The following WWOX variants were observed in gnomAD, a reference collection of about 807,000 sequenced individuals.
The protein encoded by WWOX is WW domain containing oxidoreductase.
WWOX carries 69 observed loss-of-function variants against 46.2 expected under a neutral mutation model. The observed-to-expected ratio is 1.49, with a 90% confidence interval of 1.23 to 1.82. The LOEUF is 1.82. Among genes scored for constraint, WWOX ranks in the 40% most tolerant of loss-of-function variants. The pLI is 0.00. For synonymous variants in WWOX, 359 were observed against 202.6 expected, an observed-to-expected ratio of 1.77 and a Z score of -6.56; for missense variants, 919 against 542.6, an observed-to-expected ratio of 1.69 and a Z score of -6.89.
chr16:78,365,007 T>C (rs1365998246), intron 5 of WWOX, among the ~76,000 whole-genome samples: 3 of 152,246 alleles, frequency 2.0e-5, no homozygotes, highest in African/African-American at 7.2e-5. Flanking sequence ...TTCTGTGTAC[T>C]ATGGGTTGAG....
At chr16:79,110,906 G>A (rs2049404145) in intron 8 of WWOX, 1 of 152,160 alleles carries the variant, frequency 6.6e-6, no homozygotes, top group Non-Finnish European at 1.5e-5. Context: ...ATTGTTTTGA[G>A]AAATGAGATA....
At chr16:78,908,539 C>T (rs544771642) in intron 8 of WWOX, among the ~76,000 whole-genome samples, 5 of 21,870 alleles carry the variant, frequency 2.3e-4, no homozygotes, top group East Asian at 5.4e-3. Flanking sequence ...AACTCTGTCT[C>T]GGAAAAAAAA....
chr16:78,642,205 C>T (rs975620279), intron 8 of WWOX, among the ~76,000 whole-genome samples: 1 of 152,110 alleles, frequency 6.6e-6, no homozygotes, highest in African/African-American at 2.4e-5. Context: ...TGTGAATATC[C>T]ATTCTATAGC....
chr16:79,199,799 C>A (rs947074449), intron 8 of WWOX, among the ~76,000 whole-genome samples: 64 of 152,266 alleles, frequency 4.2e-4, no homozygotes, highest in African/African-American at 1.4e-3. Context: ...TTGTGTTCCT[C>A]GCTGACACCT....
intron 8 of WWOX, among the ~76,000 whole-genome samples, chr16:79,156,469 A>G (rs1597428966): frequency 6.6e-6 from 1 of 152,336 alleles, no homozygotes; most frequent in East Asian, 1.9e-4. Context: ...CAACAATTGC[A>G]GTTTTTAAAG....
At chr16:79,083,587 G>T (rs2048801135) in intron 8 of WWOX, among the ~76,000 whole-genome samples, 1 of 152,160 alleles carries the variant, frequency 6.6e-6, no homozygotes, top group African/African-American at 2.4e-5. Context: ...GCGTATGGCT[G>T]CAACATCCTT....
intron 8 of WWOX, among the ~76,000 whole-genome samples, chr16:78,601,660 GGTA>G (rs1221129888): frequency 1.3e-5 from 2 of 152,096 alleles, no homozygotes; most frequent in African/African-American, 2.4e-5. Context: ...ATAAGAATGT[GGTA>G]GTATATTAAT....
At chr16:78,765,746 G>A (rs2049911605) in intron 8 of WWOX, among the ~76,000 whole-genome samples, 1 of 152,184 alleles carries the variant, frequency 6.6e-6, no homozygotes, top group South Asian at 2.1e-4. Flanking sequence ...GTTGTGCCGA[G>A]GAGGGACTGG....
chr16:78,968,538 A>G (rs931335455), intron 8 of WWOX, among the ~76,000 whole-genome samples: 16 of 152,144 alleles, frequency 1.1e-4, no homozygotes, highest in African/African-American at 3.4e-4. Context: ...CATTATGATG[A>G]CTGTTATAAG....
chr16:79,137,641 A>G (rs532461757), intron 8 of WWOX, among the ~76,000 whole-genome samples: 13 of 152,208 alleles, frequency 8.5e-5, no homozygotes, highest in Middle Eastern at 6.8e-3. Flanking sequence ...AAAAGTGTCA[A>G]TGTGTTGGGA....
At chr16:79,118,271 AGGTTGCTG>A (rs1239782037) in intron 8 of WWOX, among the ~76,000 whole-genome samples, 1 of 152,216 alleles carries the variant, frequency 6.6e-6, no homozygotes, top group Non-Finnish European at 1.5e-5. Flanking sequence ...GGAGAACAGC[AGGTTGCTG>A]GAGCCAGTGT....
At position 78,282,598 on chromosome 16, in the gene WWOX, C is replaced by T. The variant is rs73572468; in HGVS notation, c.517-104262C>T. Among the ~76,000 whole-genome samples, 811 of 152,052 alleles carry T rather than the reference C, an allele frequency of 5.3e-3. 9 individuals carry two copies. Among genetic ancestry groups the T allele is most frequent in the African/African-American group, 0.018 (748 of 41,474 alleles). On this transcript the variant is annotated intron_variant, in intron 5 of 8. Transcript: ENST00000566780. Reference sequence around the variant, plus strand: ...TGGCTTAGAACAGGGAAAATGTGGCCGGGCGCAGTGGCTCACGCCTGTAAT... The same window carrying T: ...TGGCTTAGAACAGGGAAAATGTGGCTGGGCGCAGTGGCTCACGCCTGTAAT...
intron 8 of WWOX, among the ~76,000 whole-genome samples, chr16:79,041,562 C>T (rs983300771): frequency 2.6e-5 from 4 of 152,108 alleles, no homozygotes; most frequent in African/African-American, 9.7e-5. Flanking sequence ...AGGGCTGAGC[C>T]TATGACGGGT....
At chr16:79,102,865 C>G (rs1411195974) in intron 8 of WWOX, among the ~76,000 whole-genome samples, 7 of 152,196 alleles carry the variant, frequency 4.6e-5, no homozygotes, top group Non-Finnish European at 1.0e-4. Flanking sequence ...AGGTGAAGGG[C>G]AGAATGTCCT....
chr16:78,633,485 G>C (rs1242351298), intron 8 of WWOX, among the ~76,000 whole-genome samples: 1 of 152,178 alleles, frequency 6.6e-6, no homozygotes, highest in Non-Finnish European at 1.5e-5. Flanking sequence ...CACGAGTTCA[G>C]AACTTTGGTT....
intron 8 of WWOX, among the ~76,000 whole-genome samples, chr16:78,802,202 GTTTTT>G (rs60554747): frequency 2.1e-5 from 2 of 96,762 alleles, no homozygotes; most frequent in Non-Finnish European, 4.1e-5. Flanking sequence ...GTTTGTTTAG[GTTTTT>G]TTTTTTTTTT....
At chr16:79,129,480 G>A (rs1432475721) in intron 8 of WWOX, among the ~76,000 whole-genome samples, 1 of 150,996 alleles carries the variant, frequency 6.6e-6, no homozygotes, top group Non-Finnish European at 1.5e-5. Flanking sequence ...GTACATGATT[G>A]TGTTTTAAAA....
chr16:78,321,740 G>C (rs1021063409), intron 5 of WWOX, among the ~76,000 whole-genome samples: 2 of 152,276 alleles, frequency 1.3e-5, no homozygotes, highest in East Asian at 3.9e-4. Context: ...CACAGGCTTG[G>C]TGCCTGGCGT....
chr16:78,391,279 T>C (rs1455819071), intron 6 of WWOX, among the ~76,000 whole-genome samples: 1 of 152,182 alleles, frequency 6.6e-6, no homozygotes, highest in Admixed American at 6.5e-5. Flanking sequence ...TTGTTGTTTG[T>C]TTTATGCAAG....
Sources: gnomAD v4.1 joint callset for allele counts (sites outside exome capture counted in the v4.1 genomes callset) on GRCh38, gnomAD v4.1.1 for gene constraint, MANE v1.5 for transcripts, NCBI Gene and HGNC (gene_info 2026-07-23, HGNC 2026-07-21) for gene names.